CSMD3: variants seen among roughly 807,000 people sequenced by gnomAD.
CSMD3 encodes CUB and sushi domain-containing protein 3.
Under a neutral mutation model 435.2 loss-of-function variants are expected in CSMD3, and 177 were observed. The ratio of observed to expected loss-of-function variants is 0.41; its 90% CI spans 0.36 to 0.46. The LOEUF (loss-of-function observed/expected upper bound fraction) is 0.46. CSMD3 is among the 20% of genes least tolerant of loss of function. The pLI is 0.34. For missense variants in CSMD3, 4,265 were observed against 4,504.6 expected, an observed-to-expected ratio of 0.95 and a Z score of 1.52; for synonymous variants, 1,656 against 1,520.5, an observed-to-expected ratio of 1.09 and a Z score of -2.07.
intron 1 of CSMD3, among the ~76,000 whole-genome samples, chr8:113,413,657 G>T (rs1288362087): frequency 6.6e-6 from 1 of 152,194 alleles, no homozygotes; most frequent in Non-Finnish European, 1.5e-5. Flanking sequence ...TAATGTGGGA[G>T]TATGGATAAT....
At chr8:113,239,632 G>T (rs548574076) in intron 3 of CSMD3, among the ~76,000 whole-genome samples, 4 of 151,962 alleles carry the variant, frequency 2.6e-5, no homozygotes, top group Non-Finnish European at 5.9e-5. Context: ...CTAAATATGT[G>T]TTAACATGGC....
chr8:112,801,792 T>C (rs2078967631), intron 12 of CSMD3, among the ~76,000 whole-genome samples: 1 of 151,982 alleles, frequency 6.6e-6, no homozygotes, highest in Non-Finnish European at 1.5e-5. Context: ...AACCCATTAT[T>C]AAACGGGAAT....
chr8:113,406,065 A>C (rs1189247783), intron 1 of CSMD3, among the ~76,000 whole-genome samples: 2 of 151,872 alleles, frequency 1.3e-5, no homozygotes, highest in African/African-American at 4.8e-5. Context: ...TGTATATGAC[A>C]AAATTGTCAA....
At chr8:112,337,511 A>AC (rs1013198571) in intron 43 of CSMD3, 32 bp downstream of exon 43, 1 of 1,550,458 alleles carries the variant, frequency 6.4e-7, no homozygotes, top group African/African-American at 1.4e-5. Context: ...AGATGACATC[A>AC]CCTAAAAGAT....
intron 31 of CSMD3, among the ~76,000 whole-genome samples, chr8:112,489,383 C>T (rs1158961796): frequency 6.6e-6 from 1 of 152,156 alleles, no homozygotes; most frequent in Non-Finnish European, 1.5e-5. Flanking sequence ...CACAATTGCA[C>T]CACTATACTC....
At chr8:112,945,747 T>G (rs1015912340) in intron 9 of CSMD3, among the ~76,000 whole-genome samples, 10 of 151,822 alleles carry the variant, frequency 6.6e-5, no homozygotes, top group African/African-American at 2.2e-4. Context: ...TGCAAATATT[T>G]GGTTTCTCCT....
chr8:113,099,388 A>G (rs912072725), intron 4 of CSMD3, among the ~76,000 whole-genome samples: 2 of 152,086 alleles, frequency 1.3e-5, no homozygotes, highest in Admixed American at 6.6e-5. Flanking sequence ...GCAAGTATGT[A>G]CAACACAAAG....
intron 8 of CSMD3, among the ~76,000 whole-genome samples, chr8:112,950,146 GA>G (rs945046697): frequency 3.3e-5 from 5 of 151,658 alleles, no homozygotes; most frequent in East Asian, 1.9e-4. Context: ...TAAAAATAGA[GA>G]AAAAACATTA....
At chr8:112,912,826 C>T (rs763355951) in intron 10 of CSMD3, among the ~76,000 whole-genome samples, 5 of 151,822 alleles carry the variant, frequency 3.3e-5, no homozygotes, top group Non-Finnish European at 7.4e-5. Context: ...CTGATAAAGG[C>T]CTTATGTCCA....
chr8:112,642,917 A>G (rs1488395806), intron 20 of CSMD3, among the ~76,000 whole-genome samples: 1 of 152,206 alleles, frequency 6.6e-6, no homozygotes, highest in Non-Finnish European at 1.5e-5. Context: ...ACACTGTGCC[A>G]TGATGTGTTC....
At chr8:113,371,294 T>A (rs1713527855) in intron 1 of CSMD3, among the ~76,000 whole-genome samples, 1 of 152,110 alleles carries the variant, frequency 6.6e-6, no homozygotes, top group Non-Finnish European at 1.5e-5. Flanking sequence ...AGCTACTTAA[T>A]AAACTTTAAG....
intron 13 of CSMD3, among the ~76,000 whole-genome samples, chr8:112,774,518 G>A (rs1053632367): frequency 1.3e-5 from 2 of 151,874 alleles, no homozygotes; most frequent in African/African-American, 4.8e-5. Context: ...GCACTGAGTC[G>A]AAATCTACTT....
Position 112,931,281 on chromosome 8 carries a change from A to C in CSMD3, c.1509-9530T>G, listed in dbSNP as rs548633268. On this transcript the variant is annotated intron_variant, in intron 9 of 70. Coordinates refer to ENST00000297405, the MANE Select transcript of CSMD3 (RefSeq NM_198123.2). ...TATAAAGCACTTCCTCTAATCATAA[A>C]GATTAAACTATCCTGATTTAAACAA... 2.4e-4 allele frequency among the ~76,000 whole-genome samples: 36 copies of C among 152,176 alleles called. No homozygotes were observed. In the East Asian group the frequency reaches 5.8e-3, roughly 24 times the overall value.
At chr8:112,457,673 T>C (rs762226737) in intron 32 of CSMD3, among the ~76,000 whole-genome samples, 1 of 152,036 alleles carries the variant, frequency 6.6e-6, no homozygotes, top group Non-Finnish European at 1.5e-5. Flanking sequence ...GAAGAGGAAC[T>C]GGGAAGAGGC....
At chr8:113,031,966 T>C (rs530036370) in intron 5 of CSMD3, among the ~76,000 whole-genome samples, 2 of 151,724 alleles carry the variant, frequency 1.3e-5, no homozygotes, top group East Asian at 3.9e-4. Context: ...CTCCTGTGTG[T>C]CCTCTCTCCT....
intron 13 of CSMD3, among the ~76,000 whole-genome samples, chr8:112,693,455 C>T (rs890607899): frequency 4.0e-5 from 6 of 151,740 alleles, no homozygotes; most frequent in Non-Finnish European, 5.9e-5. Context: ...AATTATTTGC[C>T]CTCAGCATTT....
intron 5 of CSMD3, among the ~76,000 whole-genome samples, chr8:113,022,714 C>T (rs948305614): frequency 6.6e-6 from 1 of 151,470 alleles, no homozygotes; most frequent in Non-Finnish European, 1.5e-5. Flanking sequence ...CATTTGTTCC[C>T]TAATACTCTA....
Position 113,203,963 on chromosome 8 carries a change from T to C in CSMD3, c.515-30047A>G, listed in dbSNP as rs552451298. Among the ~76,000 whole-genome samples the C allele has an allele frequency of 2.0e-5, 3 of 152,250 alleles. No individual in the cohort carries two copies. The East Asian group carries it at 5.8e-4, about 29-fold the overall frequency. ...GCTCCTTCACTGGAGATTCAACTTG[T>C]CAACAAATATATATATTTCCTCTGT... is the stretch of plus-strand genomic sequence containing the variant. On this transcript the variant is annotated intron_variant, in intron 3 of 70. Transcript: ENST00000297405.
At chr8:113,111,825 C>T (rs569237389) in intron 4 of CSMD3, among the ~76,000 whole-genome samples, 6 of 152,090 alleles carry the variant, frequency 3.9e-5, no homozygotes, top group Non-Finnish European at 7.4e-5. Context: ...AGTTTACAGG[C>T]GCCTGCCACC....
Sources: allele counts gnomAD v4.1 joint callset (sites outside exome capture counted in the v4.1 genomes callset), GRCh38; gene constraint gnomAD v4.1.1; transcripts MANE v1.5; gene names NCBI Gene and HGNC (gene_info 2026-07-23, HGNC 2026-07-21).